FREM3: variants seen among roughly 807,000 people sequenced by gnomAD.
FREM3 encodes FRAS1-related extracellular matrix protein 3.
FREM3 carries 105 observed loss-of-function variants against 129.1 expected under a neutral mutation model. The ratio of observed to expected loss-of-function variants is 0.81; its 90% CI spans 0.69 to 0.96. The LOEUF (loss-of-function observed/expected upper bound fraction) is 0.96. FREM3 is among the 40% of genes least tolerant of loss of function. The pLI is 0.00. For synonymous variants in FREM3, 1,014 were observed against 1,044.9 expected (o/e 0.97, Z 0.57); for missense variants, 2,593 against 2,666.3 (o/e 0.97, Z 0.61).
chr4:143,673,035 G>A (rs1216008612), intron 2 of FREM3, among the ~76,000 whole-genome samples: 4 of 152,096 alleles, frequency 2.6e-5, no homozygotes, highest in Admixed American at 6.5e-5. Context: ...TGATGGGTTC[G>A]AACTTCCTCC....
At chr4:143,656,834 G>A (rs1739609925) in intron 2 of FREM3, among the ~76,000 whole-genome samples, 1 of 152,090 alleles carries the variant, frequency 6.6e-6, no homozygotes, top group Non-Finnish European at 1.5e-5. Context: ...CAATAAAACT[G>A]TTAAAAATAT....
intron 2 of FREM3, among the ~76,000 whole-genome samples, chr4:143,634,176 A>G (rs530187788): frequency 6.6e-6 from 1 of 152,174 alleles, no homozygotes; most frequent in African/African-American, 2.4e-5. Context: ...GCCCAAGTAC[A>G]AAAACTCATC....
chr4:143,663,036 C>G (rs191796632), intron 2 of FREM3, among the ~76,000 whole-genome samples: 3 of 152,144 alleles, frequency 2.0e-5, no homozygotes, highest in African/African-American at 7.2e-5. Flanking sequence ...ACTCTTTATC[C>G]GATTTGCCAC....
In FREM3 at chr4:143,578,552, A is replaced by G. The variant is rs970297682; in HGVS notation, c.6179-700T>C. Among the ~76,000 whole-genome samples, 8 of 152,238 alleles carry G rather than the reference A, an allele frequency of 5.3e-5. 1 individual carries two copies. In the South Asian group the frequency reaches 1.7e-3, roughly 32 times the overall value. ...AATTGCAAAGGAAAAAAGGGAATAT[A>G]ATGAGGAACCCTGGCAGATACTACC... On this transcript the variant is annotated intron_variant, in intron 7 of 7. Coordinates refer to ENST00000329798, the MANE Select transcript of FREM3 (RefSeq NM_001168235.2).
rs755317472 is a variant in FREM3, at chr4:143,696,366, A to C, written c.4310T>G (p.Ile1437Arg). The C allele has an allele frequency of 1.3e-5, 20 of 1,537,228 alleles. No individual in the cohort carries two copies. The highest frequency in any genetic ancestry group is 1.3e-5 in the Non-Finnish European group (15 of 1,146,912). The stretch of plus-strand genomic sequence containing the variant: ...GGTAAGGGTCACTCTGGCACCTTCT[A>C]TCAAGGTGATCCTTTTGCTGATTAC... ...PEVISKRITL[I>R]EGARVTLTNN... The change falls in exon 1 of 8, where the codon ATA (isoleucine) becomes AGA (arginine). Residue 1437 changes from isoleucine (I) to arginine (R), a missense_variant. Physicochemically the swap from Ile to Arg is moderately conservative, Grantham distance 97 (BLOSUM62 -3). Around this residue, in one of 2 missense-constraint regions of FREM3, gnomAD observed 2,276 missense variants for 2,267.2 expected, o/e 1.00. Transcript: ENST00000329798.
intron 2 of FREM3, among the ~76,000 whole-genome samples, chr4:143,671,614 A>G (rs1262407971): frequency 6.6e-6 from 1 of 152,096 alleles, no homozygotes. Flanking sequence ...ATTTGTGCAT[A>G]TATTATTTTT....
At chr4:143,671,860 C>T (rs1223823909) in intron 2 of FREM3, among the ~76,000 whole-genome samples, 2 of 152,142 alleles carry the variant, frequency 1.3e-5, no homozygotes, top group Admixed American at 6.5e-5. Flanking sequence ...CTACATCACA[C>T]GAAATAAACG....
intron 2 of FREM3, among the ~76,000 whole-genome samples, chr4:143,648,454 C>A (rs1208764560): frequency 6.6e-6 from 1 of 152,132 alleles, no homozygotes. Context: ...TGTACCTACA[C>A]CTTGAATTGT....
intron 6 of FREM3, among the ~76,000 whole-genome samples, chr4:143,609,261 C>A (rs1738715901): frequency 6.6e-6 from 1 of 152,080 alleles, no homozygotes; most frequent in African/African-American, 2.4e-5. Flanking sequence ...TCGTTGTGTA[C>A]CTAGACCTAT....
intron 2 of FREM3, among the ~76,000 whole-genome samples, chr4:143,669,218 CA>C (rs1378895713): frequency 6.6e-6 from 1 of 152,200 alleles, no homozygotes; most frequent in East Asian, 1.9e-4. Flanking sequence ...AAAAAATAAC[CA>C]CATTAGGAAC....
intron 2 of FREM3, among the ~76,000 whole-genome samples, chr4:143,673,944 T>C (rs899053576): frequency 1.3e-5 from 2 of 152,190 alleles, no homozygotes; most frequent in African/African-American, 4.8e-5. Context: ...ATTGGAAAAG[T>C]GCAGTATTAG....
chr4:143,689,886 G>A (rs1740434208), intron 2 of FREM3, among the ~76,000 whole-genome samples: 1 of 139,426 alleles, frequency 7.2e-6, no homozygotes. Context: ...TTGGGGGGAA[G>A]AGTGGGAGGG....
At chr4:143,593,455 T>A (rs973018770) in intron 6 of FREM3, among the ~76,000 whole-genome samples, 29 of 151,840 alleles carry the variant, frequency 1.9e-4, no homozygotes, top group Non-Finnish European at 1.2e-4. Context: ...CTTCTAACAG[T>A]CAGGACCCTC....
At chr4:143,620,181 C>T (rs1177021396) in intron 5 of FREM3, among the ~76,000 whole-genome samples, 1 of 152,126 alleles carries the variant, frequency 6.6e-6, no homozygotes, top group Non-Finnish European at 1.5e-5. Context: ...CCAAATATGC[C>T]CTCATAACCA....
Position 143,697,219 on chromosome 4 carries a change from G to C in FREM3, c.3457C>G (p.Gln1153Glu), listed in dbSNP as rs1560877140. Residue 1153 changes from glutamine to glutamate, a missense_variant, in exon 1 of 8, where the codon CAG becomes GAG. Gln to Glu is a conservative substitution (Grantham distance 29). Transcript: ENST00000329798. ...GGCTCTACTCCCTTGTGAATACTCT[G>C]TACATAATTGATATGCCTCACTTGG... Reference protein sequence around the residue: ...DIQVRHINYVQSIHKGVEPQE... With the variant: ...DIQVRHINYVESIHKGVEPQE... The C allele has an allele frequency of 2.6e-6, 4 of 1,537,716 alleles. No individual in the cohort carries two copies. Among genetic ancestry groups the C allele is most frequent in the Non-Finnish European group, 2.6e-6 (3 of 1,146,970 alleles).
intron 2 of FREM3, among the ~76,000 whole-genome samples, chr4:143,655,971 C>T (rs1020103873): frequency 1.3e-5 from 2 of 152,114 alleles, no homozygotes; most frequent in Non-Finnish European, 2.9e-5. Context: ...GGCATAACCC[C>T]TGTATTAAAT....
At chr4:143,627,163 C>T (rs1253259606) in intron 3 of FREM3, among the ~76,000 whole-genome samples, 1 of 151,990 alleles carries the variant, frequency 6.6e-6, no homozygotes, top group Non-Finnish European at 1.5e-5. Flanking sequence ...GAATTTATAA[C>T]CTACTAGCAA....
intron 7 of FREM3, among the ~76,000 whole-genome samples, chr4:143,581,675 A>C (rs189654487): frequency 0.01 from 1,584 of 152,182 alleles, 27 homozygotes; most frequent in Non-Finnish European, 0.012. Flanking sequence ...GCCAGTTGCC[A>C]TATGGACAGG....
At chr4:143,653,589 C>T (rs1044444215) in intron 2 of FREM3, among the ~76,000 whole-genome samples, 1 of 152,174 alleles carries the variant, frequency 6.6e-6, no homozygotes, top group Non-Finnish European at 1.5e-5. Context: ...TATCCATCAC[C>T]TTTAACATAT....
Sources: gnomAD v4.1 joint callset for allele counts (sites outside exome capture counted in the v4.1 genomes callset) on GRCh38, gnomAD v4.1.1 for gene constraint, gnomAD v4.1.1 regional missense constraint, MANE v1.5 for transcripts, NCBI Gene and HGNC (gene_info 2026-07-23, HGNC 2026-07-21) for gene names.